Variants in ANKRD30B observed in about 807,000 individuals in gnomAD.
ANKRD30B encodes the protein ankyrin repeat domain 30B, also known as ankyrin repeat domain-containing protein 30B.
ANKRD30B carries 144 observed loss-of-function variants against 202.2 expected under a neutral mutation model. The ratio of observed to expected loss-of-function variants is 0.71; its 90% CI spans 0.62 to 0.82. The LOEUF (loss-of-function observed/expected upper bound fraction) is 0.82, where lower values mean the gene tolerates loss of function less well. Among genes scored for constraint, ANKRD30B ranks in the 40% least tolerant of loss-of-function variants. The pLI, the probability that ANKRD30B is intolerant of heterozygous loss-of-function variation, is 0.00. For synonymous variants in ANKRD30B, 508 were observed against 561.3 expected (o/e 0.91, Z 1.34); for missense variants, 1,487 against 1,669.1 (o/e 0.89, Z 1.90).
At chr18:14,794,547 T>C (rs1461292114) in intron 16 of ANKRD30B, among the ~76,000 whole-genome samples, 1 of 152,206 alleles carries the variant, frequency 6.6e-6, no homozygotes. Flanking sequence ...AATGGTATCA[T>C]TTCCTATATA....
chr18:14,937,038 T>A, the ANKRD30B span, among the ~76,000 whole-genome samples: 1 of 152,348 alleles, frequency 6.6e-6, no homozygotes, highest in East Asian at 1.9e-4. Flanking sequence ...GAGCCCAAGC[T>A]GTGCTGGTAG....
chr18:14,821,220 C>A (rs1359459608), intron 30 of ANKRD30B, among the ~76,000 whole-genome samples: 3 of 152,004 alleles, frequency 2.0e-5, no homozygotes, highest in African/African-American at 7.3e-5. Context: ...TCCCCTTTAT[C>A]ATTTTTTATT....
intron 9 of ANKRD30B, among the ~76,000 whole-genome samples, chr18:14,774,311 C>A (rs896989808): frequency 2.0e-5 from 3 of 152,060 alleles, no homozygotes; most frequent in Non-Finnish European, 4.4e-5. Flanking sequence ...ATGACTGAAG[C>A]TCATACTTGA....
intron 34 of ANKRD30B, among the ~76,000 whole-genome samples, chr18:14,836,862 G>T (rs1474247213): frequency 6.6e-6 from 1 of 151,640 alleles, no homozygotes. Context: ...TCCCAATATG[G>T]CCCCATTATG....
chr18:14,869,908 C>G, the ANKRD30B span, among the ~76,000 whole-genome samples: 4 of 151,832 alleles, frequency 2.6e-5, no homozygotes, highest in African/African-American at 7.3e-5. Context: ...GACCTTGGCT[C>G]ACCGCAACCT....
At chr18:14,911,577 C>A in the ANKRD30B span, among the ~76,000 whole-genome samples, 1 of 150,746 alleles carries the variant, frequency 6.6e-6, no homozygotes, top group East Asian at 1.9e-4. Flanking sequence ...CTCCTTTGTT[C>A]TTTGTGCACA....
Position 14,773,442 on chromosome 18 carries a change from G to T in ANKRD30B, c.1329+1214G>T, listed in dbSNP as rs183892730. ...TGGAATATTACAAGTGAGATAATAT[G>T]CATGATATATCTTATAATTAAATCT... On this transcript the variant is annotated intron_variant, in intron 9 of 43. Transcript: ENST00000690538. Among the ~76,000 whole-genome samples the T allele has an allele frequency of 2.6e-5, 4 of 152,194 alleles. No individual in the cohort carries two copies. The East Asian group carries it at 5.8e-4, about 22-fold the overall frequency.
the ANKRD30B span, among the ~76,000 whole-genome samples, chr18:14,917,588 A>G: frequency 1.2e-3 from 185 of 152,238 alleles, 1 homozygote; most frequent in Admixed American, 4.4e-3. Flanking sequence ...AGGGAGAGGG[A>G]TTTATTCAGA....
chr18:14,769,894 A>G (rs1916842685), intron 8 of ANKRD30B, among the ~76,000 whole-genome samples: 2 of 152,234 alleles, frequency 1.3e-5, no homozygotes, highest in South Asian at 4.1e-4. Flanking sequence ...GATCTTACTT[A>G]GCTGTGGCCA....
intron 40 of ANKRD30B, among the ~76,000 whole-genome samples, chr18:14,849,189 A>AT (rs921202332): frequency 6.6e-6 from 1 of 151,860 alleles, no homozygotes; most frequent in Non-Finnish European, 1.5e-5. Context: ...TAGCAAATTA[A>AT]TTTTTTTGAT....
At chr18:14,768,835 C>G (rs879416159) in intron 7 of ANKRD30B, among the ~76,000 whole-genome samples, 4 of 152,162 alleles carry the variant, frequency 2.6e-5, no homozygotes, top group Admixed American at 6.5e-5. Flanking sequence ...GATAATAATA[C>G]AATTTTCTGT....
At chr18:14,849,962 A>G (rs1971813778) in intron 40 of ANKRD30B, among the ~76,000 whole-genome samples, 1 of 151,680 alleles carries the variant, frequency 6.6e-6, no homozygotes, top group African/African-American at 2.4e-5. Flanking sequence ...ATTCTTTTCC[A>G]TAACAGTTGT....
chr18:14,896,665 C>A, the ANKRD30B span, among the ~76,000 whole-genome samples: 2 of 145,410 alleles, frequency 1.4e-5, no homozygotes, highest in Non-Finnish European at 3.0e-5. Context: ...CAATGGATAA[C>A]TTCTTTTTGT....
chr18:14,865,490 G>T, the ANKRD30B span, among the ~76,000 whole-genome samples: 7,480 of 127,286 alleles, frequency 0.059, 278 homozygotes, highest in East Asian at 0.29. Flanking sequence ...GCTCATCCCC[G>T]TTCCCCACTC....
At chr18:14,860,372 C>CA in the ANKRD30B span, among the ~76,000 whole-genome samples, 1 of 123,504 alleles carries the variant, frequency 8.1e-6, no homozygotes, top group Admixed American at 8.5e-5. Context: ...AGGCGCTCCT[C>CA]ACTTCCCAGA....
chr18:14,824,302 C>T (rs1970577794), intron 32 of ANKRD30B, among the ~76,000 whole-genome samples: 1 of 152,136 alleles, frequency 6.6e-6, no homozygotes, highest in Non-Finnish European at 1.5e-5. Flanking sequence ...TTTACTGCTT[C>T]AACTAATATT....
At chr18:14,781,396 G>C (rs1456158279) in intron 11 of ANKRD30B, among the ~76,000 whole-genome samples, 1 of 141,754 alleles carries the variant, frequency 7.1e-6, no homozygotes, top group Non-Finnish European at 1.5e-5. Context: ...CTGGGTTCAC[G>C]CCATTCTCCT....
At chr18:14,895,275 CTAAAA>C in the ANKRD30B span, among the ~76,000 whole-genome samples, 1 of 151,460 alleles carries the variant, frequency 6.6e-6, no homozygotes, top group Admixed American at 6.6e-5. Context: ...CCCCCTGAAT[CTAAAA>C]TAAAAGTTGA....
intron 16 of ANKRD30B, among the ~76,000 whole-genome samples, chr18:14,791,915 T>C (rs560269231): frequency 6.6e-5 from 10 of 152,208 alleles, no homozygotes; most frequent in South Asian, 2.1e-4. Context: ...AGTGACTTTC[T>C]AATGCCAAAA....
Sources: gnomAD v4.1 joint callset for allele counts (sites outside exome capture counted in the v4.1 genomes callset) on GRCh38, gnomAD v4.1.1 for gene constraint, MANE v1.5 for transcripts, NCBI Gene and HGNC (gene_info 2026-07-23, HGNC 2026-07-21) for gene names.